APLP2: variants seen among roughly 807,000 people sequenced by gnomAD.
APLP2 encodes the protein amyloid beta precursor like protein 2.
A neutral mutation model predicts 89.9 loss-of-function variants in APLP2; 53 were observed. The observed-to-expected ratio is 0.59, with a 90% CI of 0.47 to 0.74. APLP2 has a LOEUF of 0.74. Ranked by LOEUF, APLP2 falls within the 30% of genes least tolerant of loss-of-function variation. APLP2 has a pLI of 0.00. For synonymous variants in APLP2, 372 were observed against 348.6 expected (o/e 1.07, Z -0.75); for missense variants, 973 against 975.9 (o/e 1.00, Z 0.04).
chr11:130,143,223 G>A, intron 16 of APLP2, 124 bp from the exon 17 acceptor site: 1 of 828,776 alleles, frequency 1.2e-6, no homozygotes, highest in Non-Finnish European at 2.0e-6. Context: ...CCTGTCCGGT[G>A]GGAACGGGCT....
chr11:130,116,828 G>GATAT (rs770557387), intron 3 of APLP2, among the ~76,000 whole-genome samples: 1 of 151,278 alleles, frequency 6.6e-6, no homozygotes, highest in South Asian at 2.1e-4. Context: ...ACTGTTAAAA[G>GATAT]ATATATATAT....
At chr11:130,083,037 T>C (rs557274932) in intron 1 of APLP2, among the ~76,000 whole-genome samples, 12 of 133,924 alleles carry the variant, frequency 9.0e-5, no homozygotes, top group African/African-American at 2.7e-4. Context: ...TTTTTTTTTT[T>C]TTTTTTTTTT....
In APLP2 at chr11:130,141,906, C is replaced by T. The variant is rs370124931; in HGVS notation, c.1999-13C>T. The T allele has an allele frequency of 1.9e-5, 30 of 1,592,944 alleles. No homozygotes were observed. The African/African-American group carries it at 3.5e-4, about 18-fold the overall frequency. On this transcript the variant is annotated splice_polypyrimidine_tract_variant and intron_variant, in intron 15 of 16. Transcript: ENST00000338167. The surrounding 1 kb of genome is among the most constrained non-coding windows in gnomAD (Gnocchi z 4.2). ...TCACTGGGACTTTTTTCCACGTCTG[C>T]TTTATTACGTAGGAATCCGTGGGCC...
intron 1 of APLP2, among the ~76,000 whole-genome samples, chr11:130,092,295 A>G (rs1281943116): frequency 1.5e-5 from 2 of 132,076 alleles, no homozygotes; most frequent in East Asian, 2.5e-4. Context: ...CCAGGCAGAG[A>G]CACTCCTCAC....
In APLP2 at chr11:130,133,555, G is replaced by A. The variant is rs1032897035; in HGVS notation, c.1585-74G>A. On this transcript the variant is annotated intron_variant, in intron 11 of 16. Transcript: ENST00000338167. ...TGGTTTTTCCAGAAGTTGTGTCGATGTTCCAGCTGCAAGTTCCCTCCTGGC... is the reference window on the plus strand; with the variant it reads ...TGGTTTTTCCAGAAGTTGTGTCGATATTCCAGCTGCAAGTTCCCTCCTGGC... 3.8e-5 allele frequency: 41 copies of A among 1,091,102 alleles called. No individual in the cohort carries two copies. The East Asian group carries it at 5.7e-4, about 15-fold the overall frequency. 67.6% of individuals were successfully genotyped at this position (1,091,102 alleles called of 1,614,324 possible).
intron 1 of APLP2, among the ~76,000 whole-genome samples, chr11:130,081,839 A>C (rs2081396501): frequency 6.6e-6 from 1 of 152,218 alleles, no homozygotes. Flanking sequence ...TAAACAGCAT[A>C]CTGTGGATAT....
chr11:130,138,473 G>T (rs898805409), intron 13 of APLP2, among the ~76,000 whole-genome samples: 39 of 151,852 alleles, frequency 2.6e-4, no homozygotes, highest in Non-Finnish European at 4.4e-5. Context: ...GTTATGAGTT[G>T]GGACAATTTA....
At chr11:130,091,603 C>A (rs1369813152) in intron 1 of APLP2, among the ~76,000 whole-genome samples, 2 of 138,106 alleles carry the variant, frequency 1.4e-5, no homozygotes, top group Non-Finnish European at 1.6e-5. Context: ...CTGACCCCCC[C>A]ATCTCCCTCC....
intron 1 of APLP2, among the ~76,000 whole-genome samples, chr11:130,087,943 T>C (rs1186072121): frequency 4.6e-5 from 7 of 152,218 alleles, no homozygotes; most frequent in African/African-American, 1.7e-4. Context: ...AGGAATAGTA[T>C]TCAGGACAGA....
In APLP2 at chr11:130,121,799, T is replaced by C. The variant is rs140807639; in HGVS notation, c.702T>C (p.Asp234=). 518 of 1,611,394 alleles carry C rather than the reference T, an allele frequency of 3.2e-4. 5 individuals carry two copies. The East Asian group carries it at 0.011, about 34-fold the overall frequency. Residue 234 remains aspartate, a synonymous_variant, in exon 5 of 17, where the codon GAT becomes GAC. Transcript: ENST00000338167. ...AGGAAGATGAAGAGGAAGACTATGATGTTTATAAAAGGTAACTCTTCTACT... is the reference window on the plus strand; with the variant it reads ...AGGAAGATGAAGAGGAAGACTATGACGTTTATAAAAGGTAACTCTTCTACT... ...EEEEDEEEDY[D]VYKSEFPTEA... is the part of the protein sequence containing the mutation.
chr11:130,130,427 T>C (rs1188549821), intron 11 of APLP2, among the ~76,000 whole-genome samples: 1 of 152,244 alleles, frequency 6.6e-6, no homozygotes, highest in Non-Finnish European at 1.5e-5. Flanking sequence ...TATTTCTGAT[T>C]TAGGGTATTG....
In APLP2 at chr11:130,143,682, G is replaced by T; in HGVS notation, c.*234G>T. 2.3e-6 allele frequency: 1 copy of T among 431,116 alleles called. No homozygotes were observed. Among genetic ancestry groups the T allele is most frequent in the Non-Finnish European group, 4.2e-6 (1 of 239,344 alleles). The allele number at this position is 431,116 out of a possible 1,614,324, so 26.7% of individuals were successfully genotyped here. A position where few individuals can be genotyped will look rare whatever the true frequency, so the allele number is the denominator to read the frequency against. ...TATATAAACCTTAAATGAAAAAAAT[G>T]ATCTATTGCAGATATTTGATGTAGT... On this transcript the variant is annotated 3_prime_UTR_variant, in exon 17 of 17. Transcript: ENST00000338167.
In APLP2 at chr11:130,122,678, T is replaced by C. The variant is rs538991519; in HGVS notation, c.922+165T>C. On this transcript the variant is annotated intron_variant, in intron 6 of 16. Transcript: ENST00000338167. ...AGTGCAGTGATGGGATGGTGCCGTCTTAACAAAGTGGGCAGGCAGGCACAT... is the reference window on the plus strand; with the variant it reads ...AGTGCAGTGATGGGATGGTGCCGTCCTAACAAAGTGGGCAGGCAGGCACAT... 6.8e-4 allele frequency among the ~76,000 whole-genome samples: 104 copies of C among 152,340 alleles called. 1 individual carries two copies. The highest frequency in any genetic ancestry group is 2.5e-3 in the African/African-American group (103 of 41,582).
At chr11:130,103,207 A>G (rs1007886570) in intron 1 of APLP2, among the ~76,000 whole-genome samples, 2 of 152,348 alleles carry the variant, frequency 1.3e-5, no homozygotes, top group South Asian at 2.1e-4. Flanking sequence ...ATTACAGAAA[A>G]AATTAGCCTT....
At chr11:130,103,868 G>A (rs1947276625) in intron 1 of APLP2, among the ~76,000 whole-genome samples, 1 of 152,076 alleles carries the variant, frequency 6.6e-6, no homozygotes. Flanking sequence ...AAATATAGAA[G>A]GCCAGAGGGA....
At position 130,123,815 on chromosome 11, in the gene APLP2, A is replaced by G; in HGVS notation, c.1090+36A>G. 2.5e-6 allele frequency: 4 copies of G among 1,605,572 alleles called. No individual in the cohort carries two copies. Among genetic ancestry groups the G allele is most frequent in the Non-Finnish European group, 3.4e-6 (4 of 1,174,618 alleles). On this transcript the variant is annotated intron_variant, in intron 7 of 16. Coordinates refer to ENST00000338167, the MANE Select transcript of APLP2 (RefSeq NM_001142276.2). This position sits in a 1 kb window ranked among gnomAD's most constrained non-coding sequence, Gnocchi z 4.0. ...CCTCGCGCTGGTCCCGTGCGGCAGCACCGTCCTGTCTGGCGTCCGTCTCCC... is the reference window on the plus strand; with the variant it reads ...CCTCGCGCTGGTCCCGTGCGGCAGCGCCGTCCTGTCTGGCGTCCGTCTCCC...
At position 130,144,482 on chromosome 11, in the gene APLP2, C is replaced by CT. The variant is rs1952745845; in HGVS notation, c.*1035dup. 6.6e-6 allele frequency: 1 copy of CT among 152,340 alleles called. No homozygotes were observed. Among genetic ancestry groups the CT allele is most frequent in the African/African-American group, 2.4e-5 (1 of 41,454 alleles). The allele number at this position is 152,340 out of a possible 1,614,324, so 9.4% of individuals were successfully genotyped here. On this transcript the variant is annotated 3_prime_UTR_variant, in exon 17 of 17. Coordinates refer to ENST00000338167, the MANE Select transcript of APLP2 (RefSeq NM_001142276.2). ...AAAGTAGTCCAGGCTGTCCCTGAAACTGAGTCTGTGGACACTGTGGAAAGC... is the reference window on the plus strand; with the variant it reads ...AAAGTAGTCCAGGCTGTCCCTGAAACTTGAGTCTGTGGACACTGTGGAAAGC...
At position 130,109,593 on chromosome 11, in the gene APLP2, CTG is replaced by C; in HGVS notation, c.272_273del (p.Cys91SerfsTer20). 6.2e-7 allele frequency: 1 copy of C among 1,612,338 alleles called. No homozygotes were observed. Among genetic ancestry groups the C allele is most frequent in the Non-Finnish European group, 8.5e-7 (1 of 1,179,250 alleles). ...AAACAAAAGAAGAAGTTCTTCAGTA[CTG>C]TCAGGAGGTAAGAGTGTTGCCAGTA... ...FETKEEVLQY[C>X]QEMYPELQIT... On this transcript the variant is annotated frameshift_variant, in exon 2 of 17. Coordinates refer to ENST00000338167, the MANE Select transcript of APLP2 (RefSeq NM_001142276.2). LOFTEE classifies it high-confidence loss of function.
intron 3 of APLP2, among the ~76,000 whole-genome samples, chr11:130,112,725 C>T (rs1948738991): frequency 6.6e-6 from 1 of 152,110 alleles, no homozygotes; most frequent in Non-Finnish European, 1.5e-5. Context: ...AATCTGTTGC[C>T]TGCAGATTGA....
Sources: gnomAD v4.1 joint callset for allele counts (sites outside exome capture counted in the v4.1 genomes callset) on GRCh38, gnomAD v4.1.1 for gene constraint, Gnocchi (gnomAD v3.1) non-coding constraint, MANE v1.5 for transcripts, NCBI Gene and HGNC (gene_info 2026-07-23, HGNC 2026-07-21) for gene names.